Variants in ATXN2L observed in about 807,000 individuals in gnomAD.
ATXN2L encodes the protein ataxin 2 like, also known as ataxin-2-like protein.
A neutral mutation model predicts 120.7 loss-of-function variants in ATXN2L; 24 were observed. That is an observed-to-expected ratio of 0.20 (90% CI 0.14 to 0.28). The LOEUF (loss-of-function observed/expected upper bound fraction) is 0.28. Among genes scored for constraint, ATXN2L ranks in the 10% least tolerant of loss-of-function variants. ATXN2L has a pLI of 1.00. For missense variants in ATXN2L, 1,312 were observed against 1,432.3 expected (o/e 0.92, Z 1.36); for synonymous variants, 653 against 568.1 (o/e 1.15, Z -2.13).
intron 10 of ATXN2L, among the ~76,000 whole-genome samples, chr16:28,831,430 C>T (rs1476909081): frequency 6.6e-6 from 1 of 152,138 alleles, no homozygotes; most frequent in Non-Finnish European, 1.5e-5. Flanking sequence ...CAGATTCAAG[C>T]CATTCTCCTG....
chr16:28,830,274 C>T (rs927890772), intron 8 of ATXN2L, among the ~76,000 whole-genome samples: 1 of 152,116 alleles, frequency 6.6e-6, no homozygotes, highest in Non-Finnish European at 1.5e-5. Context: ...AATTTATGTG[C>T]TATTTCTTTT....
chr16:28,826,658 C>T lies in ATXN2L; in HGVS notation c.617-204C>T, dbSNP rs1315886288. On this transcript the variant is annotated intron_variant, in intron 5 of 21. Coordinates refer to ENST00000336783, the MANE Select transcript of ATXN2L (RefSeq NM_007245.4). ...TTGCTTGGTTTTTAACTTCTTTTTT[C>T]TTTGGAATCATAGTACTGATAGACT... 3 of 667,632 alleles carry T rather than the reference C, an allele frequency of 4.5e-6. No homozygotes were observed. The Admixed American group carries it at 1.0e-4, about 23-fold the overall frequency. 41.4% of individuals were successfully genotyped at this position (667,632 alleles called of 1,614,324 possible).
intron 6 of ATXN2L, among the ~76,000 whole-genome samples, chr16:28,828,612 G>A (rs2151999491): frequency 6.6e-6 from 1 of 150,654 alleles, no homozygotes; most frequent in East Asian, 1.9e-4. Flanking sequence ...AAAAATTGCA[G>A]TTATTAATTA....
At chr16:28,830,117 G>A (rs2053780400) in intron 8 of ATXN2L, 59 bp downstream of exon 8, 1 of 1,501,478 alleles carries the variant, frequency 6.7e-7, no homozygotes, top group Non-Finnish European at 9.0e-7. Context: ...TGGGGCCTGG[G>A]CCCAGAGTTG....
intron 1 of ATXN2L, 129 bp downstream of exon 1, chr16:28,823,687 G>A (rs995235532): frequency 3.0e-6 from 3 of 1,006,650 alleles, no homozygotes; most frequent in African/African-American, 3.4e-5. Flanking sequence ...GTGAAGCTGG[G>A]GGAGGGCCCC....
At chr16:28,828,037 T>C (rs1165008422) in intron 6 of ATXN2L, among the ~76,000 whole-genome samples, 1 of 152,248 alleles carries the variant, frequency 6.6e-6, no homozygotes, top group Non-Finnish European at 1.5e-5. Flanking sequence ...TTTGCTTCTA[T>C]TGTTGTGTGC....
chr16:28,830,287 T>TA (rs1186638083), intron 8 of ATXN2L, among the ~76,000 whole-genome samples: 1 of 152,248 alleles, frequency 6.6e-6, no homozygotes, highest in Non-Finnish European at 1.5e-5. Flanking sequence ...TTTCTTTTTA[T>TA]AAAAGTGAAA....
At chr16:28,834,979 G>C (rs1466222975) in intron 18 of ATXN2L, 79 bp from the exon 19 acceptor site, 1 of 1,542,308 alleles carries the variant, frequency 6.5e-7, no homozygotes, top group East Asian at 2.2e-5. Flanking sequence ...CCCAAGCGGT[G>C]CTGTGCACGC....
chr16:28,831,191 T>A, intron 10 of ATXN2L, 119 bp downstream of exon 10: 3 of 782,822 alleles, frequency 3.8e-6, no homozygotes, highest in Admixed American at 6.1e-5. Flanking sequence ...TTTTGGGCAT[T>A]TGGGATTTAG....
At chr16:28,833,932 G>A in intron 15 of ATXN2L, 133 bp from the exon 16 acceptor site, 1 of 1,061,480 alleles carries the variant, frequency 9.4e-7, no homozygotes, top group South Asian at 1.6e-5. Context: ...GGTTTAATGT[G>A]AGGCTTTATC....
At position 28,836,985 on chromosome 16, in the gene ATXN2L, C is replaced by T. The variant is rs1961204934; in HGVS notation, c.*720C>T. 1 of 665,342 alleles carries T rather than the reference C, an allele frequency of 1.5e-6. No homozygotes were observed. The highest frequency in any genetic ancestry group is 2.8e-5 in the East Asian group (1 of 35,946). The allele number at this position is 665,342 out of a possible 1,614,324, so 41.2% of individuals were successfully genotyped here. On this transcript the variant is annotated 3_prime_UTR_variant, in exon 22 of 22. Coordinates refer to ENST00000336783, the MANE Select transcript of ATXN2L (RefSeq NM_007245.4). ...AGGGGTGGGGGGTTCCTGCTCTGCC[C>T]CTGCCCGTCCCCACCCAGTCTTGCC... is the stretch of plus-strand genomic sequence containing the variant.
Position 28,834,556 on chromosome 16 carries a change from C to T in ATXN2L, c.2296C>T (p.Pro766Ser), listed in dbSNP as rs1959231104. Residue 766 changes from proline (P) to serine (S), a missense_variant, in exon 18 of 22, where the codon CCG becomes TCG. Physicochemically the swap from Pro to Ser is moderately conservative, Grantham distance 74. Coordinates refer to ENST00000336783, the MANE Select transcript of ATXN2L (RefSeq NM_007245.4). ...CCAACACCAGCCAGCCTCAGCCCCG[C>T]CGATGATGCAGGCCGCCGCGGCTGC... ...SDQHQPASAP[P>S]MMQAAAAAGP... The T allele has an allele frequency of 3.1e-6, 5 of 1,612,406 alleles. No homozygotes were observed. Among genetic ancestry groups the T allele is most frequent in the Non-Finnish European group, 4.2e-6 (5 of 1,179,756 alleles).
chr16:28,834,353 T>C lies in ATXN2L; in HGVS notation c.2183T>C (p.Met728Thr). The C allele has an allele frequency of 6.2e-7, 1 of 1,613,984 alleles. No homozygotes were observed. The highest frequency in any genetic ancestry group is 8.5e-7 in the Non-Finnish European group (1 of 1,179,834). ...HMGPAVQAPQMYPYPVSNSVP... is the reference protein window; with the variant it reads ...HMGPAVQAPQTYPYPVSNSVP... ...TGTCCTCATCCCCAGGCACCTCAGATGTATCCATATCCTGTATCCAATTCA... is the reference window on the plus strand; with the variant it reads ...TGTCCTCATCCCCAGGCACCTCAGACGTATCCATATCCTGTATCCAATTCA... Residue 728 changes from methionine to threonine, a missense_variant, in exon 17 of 22, where the codon ATG becomes ACG. Met to Thr is a moderately conservative substitution (Grantham distance 81). Coordinates refer to ENST00000336783, the MANE Select transcript of ATXN2L (RefSeq NM_007245.4).
chr16:28,824,507 G>A (rs747271924), intron 1 of ATXN2L: 122 of 1,288,078 alleles, frequency 9.5e-5, no homozygotes, highest in Admixed American at 1.8e-4. Flanking sequence ...AGCCAGCGAC[G>A]AGCAGGGTTA....
At position 28,833,528 on chromosome 16, in the gene ATXN2L, T is replaced by C. The variant is rs1415846743; in HGVS notation, c.2025+20T>C. On this transcript the variant is annotated intron_variant, in intron 15 of 21. Coordinates refer to ENST00000336783, the MANE Select transcript of ATXN2L (RefSeq NM_007245.4). ...TCTGTGGTGAGCTGGGACAGGAGAA[T>C]GTGGACTTTGGTTTCTGTGGGGAGA... 1.2e-6 allele frequency: 2 copies of C among 1,613,650 alleles called. No homozygotes were observed. Among genetic ancestry groups the C allele is most frequent in the East Asian group, 4.5e-5 (2 of 44,888 alleles).
intron 15 of ATXN2L, 131 bp from the exon 16 acceptor site, chr16:28,833,934 G>A (rs1473752197): frequency 2.8e-6 from 3 of 1,075,376 alleles, no homozygotes; most frequent in South Asian, 3.2e-5. Context: ...TTTAATGTGA[G>A]GCTTTATCAA....
rs1302708721 is a variant in ATXN2L at position 28,835,059 on chromosome 16, C to T, written c.2435C>T (p.Pro812Leu). The T allele has an allele frequency of 6.2e-7, 1 of 1,610,094 alleles. No individual in the cohort carries two copies. The highest frequency in any genetic ancestry group is 1.7e-5 in the Admixed American group (1 of 59,514). ...MQPMAHYPSQ[P>L]VFAPMLQSNP... is the part of the protein sequence containing the mutation. ...CCACTCCTCTCTCTGTCCCGCCAGC[C>T]GGTGTTTGCCCCCATGCTTCAGAGC... is the stretch of plus-strand genomic sequence containing the variant. Residue 812 changes from proline to leucine, a missense_variant and splice_region_variant, in exon 19 of 22, where the codon CCG becomes CTG. Pro to Leu is a moderately conservative substitution (Grantham distance 98). Transcript: ENST00000336783.
At chr16:28,829,784 T>G in intron 7 of ATXN2L, 74 bp from the exon 8 acceptor site, 1 of 1,500,508 alleles carries the variant, frequency 6.7e-7, no homozygotes, top group Non-Finnish European at 9.3e-7. Context: ...ATTGGACTTG[T>G]TGAAATGTTT....
At chr16:28,827,214 A>G (rs1034259336) in intron 6 of ATXN2L, among the ~76,000 whole-genome samples, 2 of 151,978 alleles carry the variant, frequency 1.3e-5, no homozygotes, top group African/African-American at 4.8e-5. Flanking sequence ...CCGGTGGGTC[A>G]CTTGAGGCAA....
Sources: allele counts gnomAD v4.1 joint callset (sites outside exome capture counted in the v4.1 genomes callset), GRCh38; gene constraint gnomAD v4.1.1; transcripts MANE v1.5; gene names NCBI Gene and HGNC (gene_info 2026-07-23, HGNC 2026-07-21).